The following POT1 variants were observed in gnomAD, a reference collection of about 807,000 sequenced individuals.
POT1 encodes the protein protection of telomeres 1, also known as protection of telomeres protein 1.
In POT1, 47 loss-of-function variants were observed where a neutral mutation model predicts 78.5. The observed-to-expected ratio is 0.60, with a 90% CI of 0.47 to 0.76. The LOEUF is 0.76. POT1 is among the 30% of genes least tolerant of loss of function. The probability of loss-of-function intolerance (pLI) is 0.00; values close to 1 mark genes in which losing one functional copy is unlikely to be tolerated. For missense variants in POT1, 646 were observed against 749.9 expected (o/e 0.86, Z 1.62); for synonymous variants, 259 against 260.7 (o/e 0.99, Z 0.06).
chr7:124,824,168 A>T (rs1300813264), intron 18 of POT1, 94 bp from the exon 19 acceptor site: 1 of 679,904 alleles, frequency 1.5e-6, no homozygotes, highest in African/African-American at 1.9e-5. Context: ...AGCTAGAAAA[A>T]TTAACATTTA....
chr7:124,905,058 G>A (rs1032596863), intron 3 of POT1, among the ~76,000 whole-genome samples: 30 of 152,274 alleles, frequency 2.0e-4, no homozygotes, highest in African/African-American at 6.5e-4. Flanking sequence ...TCATGAAAAT[G>A]GCCATACTGC....
At chr7:124,886,801 TATC>T (rs1796252899) in intron 6 of POT1, among the ~76,000 whole-genome samples, 1 of 152,108 alleles carries the variant, frequency 6.6e-6, no homozygotes, top group South Asian at 2.1e-4. Flanking sequence ...TTAATAACAT[TATC>T]ATGAGAAAAC....
At chr7:124,875,202 C>T (rs773841274) in intron 6 of POT1, among the ~76,000 whole-genome samples, 3 of 152,086 alleles carry the variant, frequency 2.0e-5, no homozygotes, top group Non-Finnish European at 4.4e-5. Flanking sequence ...TACCATATGG[C>T]TCTATTGTAC....
chr7:124,874,751 G>C (rs1324283223), intron 6 of POT1, among the ~76,000 whole-genome samples: 1 of 149,794 alleles, frequency 6.7e-6, no homozygotes, highest in Non-Finnish European at 1.5e-5. Context: ...AAAAAAGGAA[G>C]ACAGAAAGAA....
intron 9 of POT1, among the ~76,000 whole-genome samples, chr7:124,857,992 C>G (rs1425858948): frequency 1.3e-5 from 2 of 152,148 alleles, no homozygotes; most frequent in Non-Finnish European, 2.9e-5. Context: ...TGCCCAAAAG[C>G]CTTTGCCCTG....
chr7:124,890,910 T>G (rs1796355385), intron 6 of POT1, among the ~76,000 whole-genome samples: 1 of 151,914 alleles, frequency 6.6e-6, no homozygotes, highest in Non-Finnish European at 1.5e-5. Flanking sequence ...ATTTATTCAC[T>G]TGTTTTGTGA....
At chr7:124,862,811 A>G (rs976917106) in intron 8 of POT1, among the ~76,000 whole-genome samples, 3 of 152,142 alleles carry the variant, frequency 2.0e-5, no homozygotes, top group African/African-American at 7.2e-5. Flanking sequence ...TACTCTCTAA[A>G]CTGGGATAGG....
At chr7:124,844,397 G>A (rs1795109463) in intron 12 of POT1, among the ~76,000 whole-genome samples, 1 of 149,888 alleles carries the variant, frequency 6.7e-6, no homozygotes, top group Admixed American at 6.6e-5. Flanking sequence ...CCAAAGTGCT[G>A]GGATTACGGG....
intron 13 of POT1, 80 bp downstream of exon 13, chr7:124,842,727 T>TA: frequency 2.5e-6 from 3 of 1,207,144 alleles, no homozygotes; most frequent in Non-Finnish European, 3.4e-6. Flanking sequence ...TACTTATTCC[T>TA]AAGACACAAA....
chr7:124,856,310 A>G (rs1213190657), intron 9 of POT1, among the ~76,000 whole-genome samples: 1 of 152,236 alleles, frequency 6.6e-6, no homozygotes, highest in Non-Finnish European at 1.5e-5. Context: ...CAGAAAACAA[A>G]TAAATGTGAT....
At chr7:124,905,521 A>G (rs1053903664) in intron 3 of POT1, among the ~76,000 whole-genome samples, 2 of 146,810 alleles carry the variant, frequency 1.4e-5, no homozygotes, top group Non-Finnish European at 3.0e-5. Flanking sequence ...CTAAAACCAT[A>G]AAAAAAAAAC....
Position 124,833,597 on chromosome 7 carries a change from C to CAG in POT1, c.1505+1681_1505+1682insCT, listed in dbSNP as rs569775729. ...TTTATATTCCAATTTTCAGTGGCAGCAAATTTGTAATTTAGTGGCTCAGAA... is the reference window on the plus strand; with the variant it reads ...TTTATATTCCAATTTTCAGTGGCAGCAGAAATTTGTAATTTAGTGGCTCAGAA... On this transcript the variant is annotated intron_variant, in intron 15 of 18. Coordinates refer to ENST00000357628, the MANE Select transcript of POT1 (RefSeq NM_015450.3). Among the ~76,000 whole-genome samples, 4 of 152,254 alleles carry CAG rather than the reference C, an allele frequency of 2.6e-5. No homozygotes were observed. The South Asian group carries it at 8.3e-4, about 32-fold the overall frequency.
chr7:124,864,046 A>G (rs568723880), intron 7 of POT1, among the ~76,000 whole-genome samples: 1 of 152,280 alleles, frequency 6.6e-6, no homozygotes, highest in African/African-American at 2.4e-5. Context: ...TGAGAATATA[A>G]AGTGAACAAA....
At chr7:124,874,313 T>C (rs1271826182) in intron 6 of POT1, among the ~76,000 whole-genome samples, 1 of 152,172 alleles carries the variant, frequency 6.6e-6, no homozygotes, top group South Asian at 2.1e-4. Context: ...TTAGTCACTA[T>C]CAAGTTTCCC....
At chr7:124,922,242 T>C (rs12533661) in intron 2 of POT1, among the ~76,000 whole-genome samples, 48,349 of 151,810 alleles carry the variant, frequency 0.32, 7,692 homozygotes, top group South Asian at 0.4. Flanking sequence ...TATGAAATGG[T>C]AGATATTTTT....
chr7:124,826,110 CA>C (rs943011902), intron 17 of POT1, among the ~76,000 whole-genome samples: 2 of 152,124 alleles, frequency 1.3e-5, no homozygotes, highest in African/African-American at 2.4e-5. Context: ...AGCTTGATCT[CA>C]AGAGGGGCTG....
intron 14 of POT1, among the ~76,000 whole-genome samples, chr7:124,835,829 T>C (rs904039833): frequency 6.6e-6 from 1 of 152,232 alleles, no homozygotes; most frequent in Non-Finnish European, 1.5e-5. Context: ...AATATTTCAT[T>C]TAAATATAGA....
chr7:124,867,979 T>C (rs961914810), intron 7 of POT1, among the ~76,000 whole-genome samples: 2 of 152,168 alleles, frequency 1.3e-5, no homozygotes, highest in Non-Finnish European at 2.9e-5. Context: ...GAAATTACTT[T>C]GATTTATATG....
intron 8 of POT1, among the ~76,000 whole-genome samples, chr7:124,861,017 T>A (rs972225891): frequency 6.6e-6 from 1 of 152,232 alleles, no homozygotes; most frequent in African/African-American, 2.4e-5. Context: ...TCGTGGGCAT[T>A]TGGGTTGGTT....
Sources: gnomAD v4.1 joint callset for allele counts (sites outside exome capture counted in the v4.1 genomes callset) on GRCh38, gnomAD v4.1.1 for gene constraint, MANE v1.5 for transcripts, NCBI Gene and HGNC (gene_info 2026-07-23, HGNC 2026-07-21) for gene names.